Variants in BCAS1 observed in about 807,000 individuals in gnomAD.
The protein encoded by BCAS1 is brain enriched myelin associated protein 1.
A neutral mutation model predicts 65.4 loss-of-function variants in BCAS1; 46 were observed. The observed-to-expected ratio is 0.70, with a 90% CI of 0.55 to 0.90. The LOEUF (loss-of-function observed/expected upper bound fraction) is 0.90. BCAS1 is among the 40% of genes least tolerant of loss of function. BCAS1 has a pLI of 0.00. For synonymous variants in BCAS1, 298 were observed against 293.5 expected, an observed-to-expected ratio of 1.02 and a Z score of -0.16; for missense variants, 793 against 771.2, an observed-to-expected ratio of 1.03 and a Z score of -0.33.
At chr20:54,045,368 T>G (rs1046425620) in intron 3 of BCAS1, among the ~76,000 whole-genome samples, 2 of 152,050 alleles carry the variant, frequency 1.3e-5, no homozygotes, top group South Asian at 4.1e-4. Flanking sequence ...TTAAAAAAAA[T>G]GAATTAAAGT....
chr20:53,954,335 G>GAGAGAGAGAGAGAGAGAC (rs1555840854), intron 11 of BCAS1, among the ~76,000 whole-genome samples: 1 of 138,540 alleles, frequency 7.2e-6, no homozygotes, highest in African/African-American at 2.7e-5. Context: ...GAGAGAGAGA[G>GAGAGAGAGAGAGAGAGAC]GGACCAGGCA....
chr20:54,050,883 G>A (rs1250340413), intron 3 of BCAS1, among the ~76,000 whole-genome samples: 1 of 152,178 alleles, frequency 6.6e-6, no homozygotes, highest in Admixed American at 6.5e-5. Flanking sequence ...ACAGAGCTTG[G>A]TTTTATGCTA....
At chr20:53,985,585 G>A in intron 7 of BCAS1, 86 bp from the exon 8 acceptor site, 1 of 1,226,182 alleles carries the variant, frequency 8.2e-7, no homozygotes, top group Non-Finnish European at 1.2e-6. Context: ...ATAAACATGG[G>A]CTGAGGTTAT....
intron 1 of BCAS1, 55 bp from the exon 2 acceptor site, chr20:54,058,778 A>G (rs2146332352): frequency 1.3e-6 from 2 of 1,597,004 alleles, no homozygotes; most frequent in East Asian, 4.5e-5. Context: ...AAACGAAGCT[A>G]CATGTGCTAC....
intron 4 of BCAS1, among the ~76,000 whole-genome samples, chr20:54,008,476 C>T (rs2091249843): frequency 6.6e-6 from 1 of 152,154 alleles, no homozygotes; most frequent in Admixed American, 6.5e-5. Context: ...GTCATGTGAG[C>T]AGAAAACTCC....
chr20:53,982,502 CTG>C (rs769688337), intron 8 of BCAS1, among the ~76,000 whole-genome samples: 27 of 152,232 alleles, frequency 1.8e-4, no homozygotes, highest in Non-Finnish European at 3.4e-4. Flanking sequence ...TTTCTGCTGT[CTG>C]TAACTACAGG....
chr20:54,014,225 T>C (rs1318955041), intron 4 of BCAS1, among the ~76,000 whole-genome samples: 1 of 152,208 alleles, frequency 6.6e-6, no homozygotes, highest in Non-Finnish European at 1.5e-5. Context: ...CTCCAGAAAA[T>C]ACCTGGAAAC....
At chr20:53,999,221 C>G (rs1455149791) in intron 4 of BCAS1, among the ~76,000 whole-genome samples, 1 of 152,190 alleles carries the variant, frequency 6.6e-6, no homozygotes, top group Non-Finnish European at 1.5e-5. Context: ...CATAACTTAA[C>G]TCTCCCAAAA....
rs953197920 is a variant in BCAS1, at chr20:54,058,538, ACAAT to A, written c.72+105_72+108del. ...GCTCCACTGTCTTGCACACACAGAC[ACAAT>A]CAATCAGCAGCCAGGACTTCAGTCA... On this transcript the variant is annotated intron_variant, in intron 2 of 12. Transcript: ENST00000688948. The A allele has an allele frequency of 1.3e-5, 19 of 1,512,854 alleles. No homozygotes were observed. In the African/African-American group the frequency reaches 2.2e-4, roughly 18 times the overall value. The allele number at this position is 1,512,854 out of a possible 1,614,324, so 93.7% of individuals were successfully genotyped here.
At chr20:54,036,469 C>T (rs1303561295) in intron 3 of BCAS1, among the ~76,000 whole-genome samples, 1 of 151,104 alleles carries the variant, frequency 6.6e-6, no homozygotes, top group African/African-American at 2.4e-5. Context: ...ACCTTATTTC[C>T]AGTGCCATCT....
chr20:53,981,875 TTGA>T (rs1198695099), intron 8 of BCAS1, among the ~76,000 whole-genome samples: 2 of 152,074 alleles, frequency 1.3e-5, no homozygotes, highest in African/African-American at 4.8e-5. Context: ...TTCAAATCTT[TTGA>T]TGCTAGCAAA....
chr20:53,975,819 C>T (rs2090319680), intron 8 of BCAS1, among the ~76,000 whole-genome samples: 2 of 152,036 alleles, frequency 1.3e-5, no homozygotes, highest in Non-Finnish European at 2.9e-5. Context: ...TTAGGTAAAA[C>T]AAAGAAGCTA....
At chr20:53,945,878 C>A (rs2089298300) in intron 12 of BCAS1, among the ~76,000 whole-genome samples, 1 of 152,102 alleles carries the variant, frequency 6.6e-6, no homozygotes, top group Non-Finnish European at 1.5e-5. Flanking sequence ...CTCAAATGAT[C>A]CCCCCACGTC....
intron 9 of BCAS1, among the ~76,000 whole-genome samples, chr20:53,974,631 A>G (rs1015706167): frequency 6.6e-6 from 1 of 152,194 alleles, no homozygotes; most frequent in African/African-American, 2.4e-5. Context: ...TTCGGTTTCT[A>G]TCTCAAGGAG....
intron 12 of BCAS1, among the ~76,000 whole-genome samples, chr20:53,948,255 C>T (rs1034414344): frequency 5.3e-5 from 8 of 152,160 alleles, no homozygotes; most frequent in African/African-American, 1.9e-4. Flanking sequence ...TGAGCTTGAT[C>T]TTGGGGCTTG....
chr20:54,040,027 A>G (rs1359713997), intron 3 of BCAS1, among the ~76,000 whole-genome samples: 9 of 151,560 alleles, frequency 5.9e-5, no homozygotes, highest in Middle Eastern at 3.4e-3. Context: ...GCTGCATAAT[A>G]TTCCTCAGTA....
intron 4 of BCAS1, among the ~76,000 whole-genome samples, chr20:54,013,641 G>A (rs185646181): frequency 6.6e-6 from 1 of 152,308 alleles, no homozygotes; most frequent in East Asian, 1.9e-4. Context: ...AATGTACAAG[G>A]TTATTCATTG....
chr20:53,954,818 C>G (rs192433440), intron 11 of BCAS1, among the ~76,000 whole-genome samples: 1 of 152,326 alleles, frequency 6.6e-6, no homozygotes, highest in East Asian at 1.9e-4. Flanking sequence ...GCAGGGGAGA[C>G]TGAATGTTAC....
At chr20:54,031,933 C>T (rs1435299160) in intron 3 of BCAS1, among the ~76,000 whole-genome samples, 6 of 150,882 alleles carry the variant, frequency 4.0e-5, no homozygotes, top group Admixed American at 1.3e-4. Flanking sequence ...TCCCTGAAAA[C>T]TTCCCCAACC....
Sources: gnomAD v4.1 joint callset for allele counts (sites outside exome capture counted in the v4.1 genomes callset) on GRCh38, gnomAD v4.1.1 for gene constraint, MANE v1.5 for transcripts, NCBI Gene and HGNC (gene_info 2026-07-23, HGNC 2026-07-21) for gene names.